The following PTPRD variants were observed in gnomAD, a reference collection of about 807,000 sequenced individuals.
The protein encoded by PTPRD is receptor-type tyrosine-protein phosphatase delta.
Under a neutral mutation model 214.5 loss-of-function variants are expected in PTPRD, and 34 were observed. The observed-to-expected ratio is 0.16, with a 90% CI of 0.12 to 0.21. The LOEUF is 0.21. Ranked by LOEUF, PTPRD falls within the 10% of genes least tolerant of loss-of-function variation. The pLI, the probability that PTPRD is intolerant of heterozygous loss-of-function variation, is 1.00. For missense variants in PTPRD, 2,545 were observed against 2,398.7 expected (o/e 1.06, Z -1.27); for synonymous variants, 1,128 against 845.7 (o/e 1.33, Z -5.79).
intron 7 of PTPRD, among the ~76,000 whole-genome samples, chr9:9,669,699 G>A (rs2096790378): frequency 6.6e-6 from 1 of 151,906 alleles, no homozygotes; most frequent in East Asian, 1.9e-4. Flanking sequence ...CATATAATCT[G>A]GCCAGTTTGA....
chr9:8,751,138 G>C (rs1398544693), intron 11 of PTPRD, among the ~76,000 whole-genome samples: 1 of 152,132 alleles, frequency 6.6e-6, no homozygotes, highest in Non-Finnish European at 1.5e-5. Context: ...AATGTTTTCA[G>C]CTGCCCTTCT....
At chr9:9,806,353 C>A (rs1417049265) in intron 5 of PTPRD, among the ~76,000 whole-genome samples, 1 of 152,096 alleles carries the variant, frequency 6.6e-6, no homozygotes, top group Non-Finnish European at 1.5e-5. Context: ...GCTGGCCGCA[C>A]CATCGTCAAG....
chr9:10,032,913 T>G (rs1411925241), intron 4 of PTPRD, among the ~76,000 whole-genome samples: 1 of 152,140 alleles, frequency 6.6e-6, no homozygotes, highest in East Asian at 1.9e-4. Flanking sequence ...GTATATGAAC[T>G]TGAGTGAAGA....
chr9:9,069,988 A>C (rs1333171363), intron 10 of PTPRD, among the ~76,000 whole-genome samples: 1 of 152,226 alleles, frequency 6.6e-6, no homozygotes, highest in Non-Finnish European at 1.5e-5. Flanking sequence ...GAGAGAACAG[A>C]GTTTAAAGTA....
intron 43 of PTPRD, 57 bp downstream of exon 43, chr9:8,338,865 G>GAGAGAGAGAGAGAGAGAGAT: frequency 6.6e-7 from 1 of 1,505,920 alleles, no homozygotes; most frequent in Non-Finnish European, 9.0e-7. Flanking sequence ...GAGAGAGAGA[G>GAGAGAGAGAGAGAGAGAGAT]GTATCTTAGA....
At chr9:8,774,779 C>A (rs1021063748) in intron 11 of PTPRD, among the ~76,000 whole-genome samples, 4 of 152,028 alleles carry the variant, frequency 2.6e-5, no homozygotes, top group Non-Finnish European at 5.9e-5. Flanking sequence ...GGTGATCCCC[C>A]CGCCTCGGCC....
At chr9:8,783,529 A>T (rs2095821982) in intron 11 of PTPRD, among the ~76,000 whole-genome samples, 1 of 152,246 alleles carries the variant, frequency 6.6e-6, no homozygotes, top group Admixed American at 6.5e-5. Flanking sequence ...CAGATAAAAA[A>T]GCCCAGGCCT....
intron 5 of PTPRD, among the ~76,000 whole-genome samples, chr9:9,858,805 C>T (rs1262485949): frequency 6.6e-6 from 1 of 151,936 alleles, no homozygotes; most frequent in African/African-American, 2.4e-5. Flanking sequence ...ACTTTTAGAC[C>T]CAAATCAACA....
At chr9:9,652,263 A>C (rs936687515) in intron 7 of PTPRD, among the ~76,000 whole-genome samples, 2 of 151,914 alleles carry the variant, frequency 1.3e-5, no homozygotes, top group Admixed American at 6.6e-5. Flanking sequence ...CTCTCTCTAC[A>C]CTTCAGGTTC....
chr9:10,610,028 A>G (rs577880089), intron 2 of PTPRD, among the ~76,000 whole-genome samples: 1 of 152,236 alleles, frequency 6.6e-6, no homozygotes, highest in South Asian at 2.1e-4. Context: ...CTGCTTATGT[A>G]TTTCATCGGG....
chr9:9,235,775 T>C (rs1050697585), intron 9 of PTPRD, among the ~76,000 whole-genome samples: 1 of 152,314 alleles, frequency 6.6e-6, no homozygotes, highest in Non-Finnish European at 1.5e-5. Context: ...AATTTGTTTG[T>C]TCCTTCCTTT....
At chr9:9,977,682 T>C (rs2095406816) in intron 4 of PTPRD, among the ~76,000 whole-genome samples, 1 of 152,172 alleles carries the variant, frequency 6.6e-6, no homozygotes, top group African/African-American at 2.4e-5. Flanking sequence ...TTGATGATTC[T>C]TATTATGTTT....
chr9:9,881,635 G>T (rs771936502), intron 5 of PTPRD, among the ~76,000 whole-genome samples: 11 of 152,134 alleles, frequency 7.2e-5, no homozygotes, highest in Non-Finnish European at 1.5e-5. Context: ...ATAGCAAAGA[G>T]CTGGAGGGAT....
chr9:9,338,417 C>T (rs2065511), intron 9 of PTPRD, among the ~76,000 whole-genome samples: 38,448 of 151,880 alleles, frequency 0.25, 6,415 homozygotes, highest in African/African-American at 0.46. Context: ...GAATACTGAA[C>T]GAAACTATTT....
At chr9:8,454,089 G>A (rs1490569850) in intron 33 of PTPRD, among the ~76,000 whole-genome samples, 1 of 152,126 alleles carries the variant, frequency 6.6e-6, no homozygotes, top group East Asian at 1.9e-4. Flanking sequence ...ATTCAAGACT[G>A]GGAGACATGG....
intron 4 of PTPRD, among the ~76,000 whole-genome samples, chr9:9,991,868 A>G (rs936597976): frequency 1.4e-5 from 2 of 140,326 alleles, no homozygotes; most frequent in Non-Finnish European, 3.1e-5. Context: ...ACACACACAC[A>G]CGAGTTCCAA....
At chr9:8,333,669 C>T (rs1843682215) in intron 43 of PTPRD, among the ~76,000 whole-genome samples, 1 of 152,112 alleles carries the variant, frequency 6.6e-6, no homozygotes, top group African/African-American at 2.4e-5. Flanking sequence ...AACCAGCCAG[C>T]ATCATAATGA....
At chr9:9,859,469 C>T (rs11793032) in intron 5 of PTPRD, among the ~76,000 whole-genome samples, 6,630 of 152,136 alleles carry the variant, frequency 0.044, 168 homozygotes, top group African/African-American at 0.05. Flanking sequence ...AGAAAACATG[C>T]TATATGTTAT....
chr9:8,866,582 G>C (rs1223685727), intron 11 of PTPRD, among the ~76,000 whole-genome samples: 1 of 152,102 alleles, frequency 6.6e-6, no homozygotes, highest in Non-Finnish European at 1.5e-5. Flanking sequence ...TGTTCTACCA[G>C]CATTCGACAT....
Sources: allele counts gnomAD v4.1 joint callset (sites outside exome capture counted in the v4.1 genomes callset), GRCh38; gene constraint gnomAD v4.1.1; transcripts MANE v1.5; gene names NCBI Gene and HGNC (gene_info 2026-07-23, HGNC 2026-07-21).